AK8: variants seen among roughly 807,000 people sequenced by gnomAD.
AK8 encodes the protein ATP-AMP transphosphorylase 8.
Under a neutral mutation model 54.6 loss-of-function variants are expected in AK8, and 44 were observed. That is an observed-to-expected ratio of 0.81 (90% CI 0.63 to 1.04). AK8 has a LOEUF of 1.04. AK8 is among the 50% of genes least tolerant of loss of function. AK8 has a pLI of 0.00. For synonymous variants in AK8, 239 were observed against 245.6 expected (o/e 0.97, Z 0.25); for missense variants, 555 against 613.6 (o/e 0.90, Z 1.01).
At chr9:132,743,705 T>C (rs926618285) in intron 11 of AK8, among the ~76,000 whole-genome samples, 46 of 152,222 alleles carry the variant, frequency 3.0e-4, no homozygotes, top group Admixed American at 6.5e-4. Context: ...AACTGTTTTA[T>C]TGATATTTCC....
chr9:132,740,586 G>A (rs765336661), intron 11 of AK8, among the ~76,000 whole-genome samples: 6 of 152,164 alleles, frequency 3.9e-5, no homozygotes, highest in Non-Finnish European at 7.3e-5. Context: ...TAAGGTTCCC[G>A]ACTACGCAGT....
At chr9:132,789,214 GAAC>G (rs1839842708) in intron 11 of AK8, among the ~76,000 whole-genome samples, 1 of 152,090 alleles carries the variant, frequency 6.6e-6, no homozygotes, top group Non-Finnish European at 1.5e-5. Context: ...AGAATGGCGT[GAAC>G]CCGGGAGGCA....
At chr9:132,742,006 A>G (rs2130980277) in intron 11 of AK8, among the ~76,000 whole-genome samples, 1 of 152,302 alleles carries the variant, frequency 6.6e-6, no homozygotes, top group South Asian at 2.1e-4. Flanking sequence ...TAGAATATCC[A>G]CGAGGGCCAA....
chr9:132,833,560 C>G (rs934630141), intron 5 of AK8, among the ~76,000 whole-genome samples: 1 of 152,156 alleles, frequency 6.6e-6, no homozygotes, highest in African/African-American at 2.4e-5. Context: ...TATTCTGATG[C>G]CTTCGCTCAC....
intron 11 of AK8, among the ~76,000 whole-genome samples, chr9:132,757,310 C>T (rs1838238732): frequency 1.3e-5 from 2 of 152,198 alleles, no homozygotes; most frequent in Non-Finnish European, 1.5e-5. Context: ...ACTGCACCAA[C>T]GAGGCCGTGT....
intron 10 of AK8, among the ~76,000 whole-genome samples, chr9:132,804,662 G>A (rs986149375): frequency 3.3e-5 from 5 of 152,124 alleles, no homozygotes; most frequent in African/African-American, 1.2e-4. Flanking sequence ...TGCTTCTTCT[G>A]TCGGGTGTGC....
chr9:132,878,799 G>C, upstream of AK8: 1 of 984,470 alleles, frequency 1.0e-6, no homozygotes, highest in Non-Finnish European at 1.2e-6. This position sits in a 1 kb window ranked among gnomAD's most constrained non-coding sequence, Gnocchi z 4.7. Flanking sequence ...CCAGCTCCCC[G>C]GCTCTGGCCA....
chr9:132,857,417 C>T (rs996050442), intron 4 of AK8, among the ~76,000 whole-genome samples: 7 of 152,112 alleles, frequency 4.6e-5, no homozygotes, highest in East Asian at 1.9e-4. Flanking sequence ...GGTGTCTTTC[C>T]GCCAGTGCCC....
At chr9:132,749,982 T>TGG (rs1240799140) in intron 11 of AK8, among the ~76,000 whole-genome samples, 5 of 149,114 alleles carry the variant, frequency 3.4e-5, no homozygotes, top group African/African-American at 1.3e-4. Flanking sequence ...AGCACACTCC[T>TGG]AGAGATACTG....
intron 10 of AK8, among the ~76,000 whole-genome samples, chr9:132,812,431 G>A (rs374063040): frequency 1.6e-5 from 1 of 63,822 alleles, no homozygotes; most frequent in East Asian, 5.5e-4. Flanking sequence ...TAGAGATGGG[G>A]TTTTGCCATG....
chr9:132,725,621 G>C lies in AK8; in HGVS notation c.*67C>G. On this transcript the variant is annotated 3_prime_UTR_variant, in exon 13 of 13. Coordinates refer to ENST00000298545, the MANE Select transcript of AK8 (RefSeq NM_152572.3). ...ATTGGCTTTTTAGGGGAGCTGTGCC[G>C]AGGCTGGGGGGCTGGGGGCAGGGGA... 1 of 1,406,508 alleles carries C rather than the reference G, an allele frequency of 7.1e-7. No homozygotes were observed. The highest frequency in any genetic ancestry group is 1.3e-5 in the South Asian group (1 of 76,574). The allele number at this position is 1,406,508 out of a possible 1,614,324, so 87.1% of individuals were successfully genotyped here.
chr9:132,828,939 A>T (rs1214884237), intron 5 of AK8, among the ~76,000 whole-genome samples: 2 of 151,856 alleles, frequency 1.3e-5, no homozygotes, highest in Non-Finnish European at 2.9e-5. Flanking sequence ...TAATCATAAC[A>T]TATATATTTT....
At chr9:132,815,223 G>T (rs1841273802) in intron 9 of AK8, among the ~76,000 whole-genome samples, 1 of 152,204 alleles carries the variant, frequency 6.6e-6, no homozygotes, top group Non-Finnish European at 1.5e-5. Context: ...GCATCTCCAT[G>T]GGATGGTGGG....
chr9:132,782,288 A>T (rs932053053), intron 11 of AK8, among the ~76,000 whole-genome samples: 1 of 152,090 alleles, frequency 6.6e-6, no homozygotes, highest in Admixed American at 6.6e-5. Context: ...CCAGCACAGG[A>T]TTCTCTCCCC....
At chr9:132,866,249 C>T (rs982551343) in intron 3 of AK8, among the ~76,000 whole-genome samples, 3 of 152,194 alleles carry the variant, frequency 2.0e-5, no homozygotes, top group Non-Finnish European at 4.4e-5. Context: ...ATGAAGCACA[C>T]ACCACCAGTT....
chr9:132,757,734 T>C lies in AK8; in HGVS notation c.1122-30200A>G, dbSNP rs529235369. ...GGCCAGCCCCCCGAAACACTAAAAA[T>C]GGAAATAACTGTCATTACTGAAATA... On this transcript the variant is annotated intron_variant, in intron 11 of 12. Coordinates refer to ENST00000298545, the MANE Select transcript of AK8 (RefSeq NM_152572.3). Among the ~76,000 whole-genome samples the C allele has an allele frequency of 4.7e-4, 72 of 152,154 alleles. 1 individual carries two copies. The highest frequency in any genetic ancestry group is 1.7e-3 in the African/African-American group (69 of 41,500).
chr9:132,866,929 G>A lies in AK8; in HGVS notation c.194C>T (p.Pro65Leu). 1 of 1,613,972 alleles carries A rather than the reference G, an allele frequency of 6.2e-7. No homozygotes were observed. The highest frequency in any genetic ancestry group is 8.5e-7 in the Non-Finnish European group (1 of 1,179,970). ...TATTGTTGTTTTCCCTGAGGCGGGT[G>A]GACCTAATATTACAATCCTGGGCAC... ...DNVPRIVILG[P>L]PASGKTTIAM... Residue 65 changes from proline (P) to leucine (L), a missense_variant, in exon 3 of 13, where the codon CCA becomes CTA. By Grantham distance (98) the Pro-to-Leu change is moderately conservative. Coordinates refer to ENST00000298545, the MANE Select transcript of AK8 (RefSeq NM_152572.3).
At chr9:132,765,279 C>T (rs1421132600) in intron 11 of AK8, among the ~76,000 whole-genome samples, 7 of 104,428 alleles carry the variant, frequency 6.7e-5, no homozygotes, top group South Asian at 3.2e-4. Context: ...GGCAACAGAG[C>T]GAGACTCCAT....
At chr9:132,828,514 G>A in intron 6 of AK8, 131 bp downstream of exon 6, 1 of 735,680 alleles carries the variant, frequency 1.4e-6, no homozygotes, top group South Asian at 1.8e-5. Flanking sequence ...CAGTTGTGCT[G>A]TCCTCTTCCT....
Sources: gnomAD v4.1 joint callset for allele counts (sites outside exome capture counted in the v4.1 genomes callset) on GRCh38, gnomAD v4.1.1 for gene constraint, Gnocchi (gnomAD v3.1) non-coding constraint, MANE v1.5 for transcripts, NCBI Gene and HGNC (gene_info 2026-07-23, HGNC 2026-07-21) for gene names.